The following EDEM3 variants were observed in gnomAD, a reference collection of about 807,000 sequenced individuals.
EDEM3 encodes the protein ER degradation-enhancing alpha-mannosidase-like protein 3.
EDEM3 carries 60 observed loss-of-function variants against 110.2 expected under a neutral mutation model. The ratio of observed to expected loss-of-function variants is 0.54; its 90% CI spans 0.44 to 0.67. The LOEUF is 0.67. Ranked by LOEUF, EDEM3 falls within the 30% of genes least tolerant of loss-of-function variation. EDEM3 has a pLI of 0.00. For synonymous variants in EDEM3, 352 were observed against 382.9 expected, an observed-to-expected ratio of 0.92 and a Z score of 0.94; for missense variants, 996 against 1,121.0, an observed-to-expected ratio of 0.89 and a Z score of 1.59.
chr1:184,716,773 C>A (rs534769815), intron 13 of EDEM3, 115 bp downstream of exon 13: 2 of 1,406,880 alleles, frequency 1.4e-6, no homozygotes, highest in East Asian at 2.4e-5. Context: ...ACACAAGGAA[C>A]AAAGGTTTCT....
In EDEM3 at chr1:184,691,577, A is replaced by G. The variant is rs1649063757; in HGVS notation, c.*2486T>C. 6.6e-6 allele frequency: 1 copy of G among 152,350 alleles called. No homozygotes were observed. Among genetic ancestry groups the G allele is most frequent in the Admixed American group, 6.6e-5 (1 of 15,256 alleles). The allele number at this position is 152,350 out of a possible 1,614,324, so 9.4% of individuals were successfully genotyped here. Reference sequence around the variant, plus strand: ...TCATAGAATCCCCTGAATCTTTAGCAAGTTACTAAAATGTCTATAAAAGTT... The same window carrying G: ...TCATAGAATCCCCTGAATCTTTAGCGAGTTACTAAAATGTCTATAAAAGTT... On this transcript the variant is annotated 3_prime_UTR_variant, in exon 20 of 20. Coordinates refer to ENST00000318130, the MANE Select transcript of EDEM3 (RefSeq NM_025191.4).
intron 6 of EDEM3, among the ~76,000 whole-genome samples, chr1:184,729,125 A>T (rs1651356354): frequency 6.6e-6 from 1 of 152,116 alleles, no homozygotes; most frequent in African/African-American, 2.4e-5. Flanking sequence ...TTACTGCAGA[A>T]ATTAGTAATA....
intron 7 of EDEM3, 40 bp downstream of exon 7, chr1:184,726,214 AT>A: frequency 6.3e-7 from 1 of 1,599,230 alleles, no homozygotes; most frequent in Non-Finnish European, 8.5e-7. Context: ...AAAGGTAGTT[AT>A]GCCCAATACC....
Position 184,746,215 on chromosome 1 carries a change from T to A in EDEM3, c.204+3332A>T, listed in dbSNP as rs76584929. ...AGATTTAAGTCCAGAGATGGCAGAGTTGTAGTAATCTACCTAAAGCTGGCA... is the reference window on the plus strand; with the variant it reads ...AGATTTAAGTCCAGAGATGGCAGAGATGTAGTAATCTACCTAAAGCTGGCA... On this transcript the variant is annotated intron_variant, in intron 2 of 19. Coordinates refer to ENST00000318130, the MANE Select transcript of EDEM3 (RefSeq NM_025191.4). 2.9e-3 allele frequency among the ~76,000 whole-genome samples: 434 copies of A among 152,238 alleles called. 5 individuals are homozygous for A. The East Asian group carries it at 0.036, about 13-fold the overall frequency.
At chr1:184,750,524 T>TTTTTTTTG (rs1652703129) in intron 1 of EDEM3, among the ~76,000 whole-genome samples, 1 of 151,820 alleles carries the variant, frequency 6.6e-6, no homozygotes, top group Non-Finnish European at 1.5e-5. Flanking sequence ...TTTTCTTTTT[T>TTTTTTTTG]TTTTGAGACA....
intron 2 of EDEM3, among the ~76,000 whole-genome samples, chr1:184,745,411 T>C (rs934927919): frequency 2.0e-5 from 3 of 152,122 alleles, no homozygotes; most frequent in Non-Finnish European, 2.9e-5. Flanking sequence ...CTGTTTCTGA[T>C]GAATGAACCA....
Position 184,754,174 on chromosome 1 carries a change from G to A in EDEM3, c.158+315C>T, listed in dbSNP as rs1304970086. 2.6e-5 allele frequency among the ~76,000 whole-genome samples: 4 copies of A among 152,264 alleles called. No individual in the cohort carries two copies. The East Asian group carries it at 7.7e-4, about 29-fold the overall frequency. ...AGGCAGCCAACCGCAGAACTCCAGC[G>A]CGCAGCGATGCGGGCTGTAGCCCCC... On this transcript the variant is annotated intron_variant, in intron 1 of 19. Transcript: ENST00000318130.
At chr1:184,727,498 G>A (rs372687204) in intron 6 of EDEM3, among the ~76,000 whole-genome samples, 13 of 152,258 alleles carry the variant, frequency 8.5e-5, no homozygotes, top group African/African-American at 2.9e-4. Flanking sequence ...TATATAAAGA[G>A]AAGCTCAAAA....
chr1:184,753,268 T>C (rs1201315560), intron 1 of EDEM3, among the ~76,000 whole-genome samples: 2 of 152,140 alleles, frequency 1.3e-5, no homozygotes, highest in African/African-American at 4.8e-5. Context: ...ACTTGCATTT[T>C]TTTTTGTTTT....
At chr1:184,728,081 T>G (rs1047377362) in intron 6 of EDEM3, among the ~76,000 whole-genome samples, 1 of 152,228 alleles carries the variant, frequency 6.6e-6, no homozygotes, top group African/African-American at 2.4e-5. Flanking sequence ...TACAATCAAC[T>G]AATCAATATT....
chr1:184,733,842 A>T (rs971875586), intron 5 of EDEM3, among the ~76,000 whole-genome samples: 3 of 151,514 alleles, frequency 2.0e-5, no homozygotes, highest in African/African-American at 7.3e-5. Flanking sequence ...AAAAAAAAAA[A>T]GGCCCAAGAG....
chr1:184,754,727 C>G lies in EDEM3; in HGVS notation c.-81G>C. 1 of 1,430,246 alleles carries G rather than the reference C, an allele frequency of 7.0e-7. No homozygotes were observed. The allele number at this position is 1,430,246 out of a possible 1,614,324, so 88.6% of individuals were successfully genotyped here. On this transcript the variant is annotated 5_prime_UTR_variant, in exon 1 of 20. Coordinates refer to ENST00000318130, the MANE Select transcript of EDEM3 (RefSeq NM_025191.4). ...CTGGACGCTGGTGGCCAGGGGGCTG[C>G]TAGCCGTGCCGAGACGGGGCGGGAT... is the stretch of plus-strand genomic sequence containing the variant.
rs556516699 is a variant in EDEM3 at position 184,691,951 on chromosome 1, A to C, written c.*2112T>G. The C allele has an allele frequency of 3.9e-5, 6 of 152,236 alleles. No individual in the cohort carries two copies. The East Asian group carries it at 1.2e-3, about 29-fold the overall frequency. The allele number at this position is 152,236 out of a possible 1,614,324, so 9.4% of individuals were successfully genotyped here. ...AGAGTGGCAGTAAGCTGGCTTTTCC[A>C]ATGTGTCACACAATCCTTCATGCCA... is the stretch of plus-strand genomic sequence containing the variant. On this transcript the variant is annotated 3_prime_UTR_variant, in exon 20 of 20. Transcript: ENST00000318130.
chr1:184,725,503 T>G (rs760285120), intron 7 of EDEM3, among the ~76,000 whole-genome samples: 2 of 151,992 alleles, frequency 1.3e-5, no homozygotes, highest in African/African-American at 4.8e-5. Context: ...CTTGAGACAT[T>G]TGAACATACA....
chr1:184,719,177 G>A lies in EDEM3; in HGVS notation c.1146C>T (p.His382=). The part of the protein sequence containing the change: ...HEMLYQVIKK[H]NFLPEAFTTD... ...ATTTGCTTACCTCTGGTAGAAAATT[G>A]TGTTTTTTAATCACCTGATATAACA... is the stretch of plus-strand genomic sequence containing the variant. Residue 382 remains histidine (H), a synonymous_variant, in exon 11 of 20, where the codon CAC becomes CAT. Transcript: ENST00000318130. 1 of 1,568,070 alleles carries A rather than the reference G, an allele frequency of 6.4e-7. No individual in the cohort carries two copies.
At chr1:184,721,453 A>T (rs1240242785) in intron 8 of EDEM3, 67 bp from the exon 9 acceptor site, 1 of 1,162,964 alleles carries the variant, frequency 8.6e-7, no homozygotes, top group Non-Finnish European at 1.2e-6. Flanking sequence ...TTAAAAAAAT[A>T]GCACTCCTTA....
intron 1 of EDEM3, among the ~76,000 whole-genome samples, chr1:184,750,854 A>C (rs1275559122): frequency 6.6e-6 from 1 of 152,180 alleles, no homozygotes; most frequent in Non-Finnish European, 1.5e-5. Flanking sequence ...ACTGATGGCA[A>C]GAATTGAAAA....
At position 184,703,181 on chromosome 1, in the gene EDEM3, T is replaced by A. The variant is rs145064618; in HGVS notation, c.2204-185A>T. On this transcript the variant is annotated intron_variant, in intron 18 of 19. Coordinates refer to ENST00000318130, the MANE Select transcript of EDEM3 (RefSeq NM_025191.4). ...GTATCCAAAGGAAATAATTCAAAAGTAGCGAAAAGCCCTATGCCCAAATAA... is the reference window on the plus strand; with the variant it reads ...GTATCCAAAGGAAATAATTCAAAAGAAGCGAAAAGCCCTATGCCCAAATAA... Among the ~76,000 whole-genome samples the A allele has an allele frequency of 2.9e-3, 435 of 152,296 alleles. 5 individuals are homozygous for A. In the East Asian group the frequency reaches 0.036, roughly 12 times the overall value.
At position 184,697,687 on chromosome 1, in the gene EDEM3, A is replaced by G. The variant is rs74824033; in HGVS notation, c.2390-3215T>C. On this transcript the variant is annotated intron_variant, in intron 19 of 19. Transcript: ENST00000318130. ...CTCCTAACTTTTATTTTAAAATTCC[A>G]TATGATTTAGAGACCAAAATGTAAA... 2.8e-3 allele frequency among the ~76,000 whole-genome samples: 425 copies of G among 151,950 alleles called. 5 individuals are homozygous for G. In the East Asian group the frequency reaches 0.035, roughly 13 times the overall value.
Sources: allele counts gnomAD v4.1 joint callset (sites outside exome capture counted in the v4.1 genomes callset), GRCh38; gene constraint gnomAD v4.1.1; transcripts MANE v1.5; gene names NCBI Gene and HGNC (gene_info 2026-07-23, HGNC 2026-07-21).